Variants in RNF103 observed in about 807,000 individuals in gnomAD.
The protein encoded by RNF103 is E3 ubiquitin-protein ligase RNF103.
Under a neutral mutation model 66.2 loss-of-function variants are expected in RNF103, and 23 were observed. That is an observed-to-expected ratio of 0.35 (90% CI 0.25 to 0.49). The LOEUF (loss-of-function observed/expected upper bound fraction) is 0.49. Ranked by LOEUF, RNF103 falls within the 20% of genes least tolerant of loss-of-function variation. The pLI is 0.98. For synonymous variants in RNF103, 297 were observed against 289.9 expected (o/e 1.02, Z -0.25); for missense variants, 730 against 814.7 (o/e 0.90, Z 1.27).
chr2:86,612,872 T>C (rs541472355), intron 2 of RNF103: 2 of 152,260 alleles, frequency 1.3e-5, no homozygotes, highest in Admixed American at 6.5e-5. Flanking sequence ...ATTCATTCTT[T>C]AATGTAATGA....
chr2:86,615,378 G>A (rs1281323425), intron 2 of RNF103: 1 of 326,442 alleles, frequency 3.1e-6, no homozygotes, highest in Non-Finnish European at 4.4e-6. Flanking sequence ...TTCAACTGAA[G>A]GTTTAGCATA....
intron 3 of RNF103, among the ~76,000 whole-genome samples, chr2:86,610,780 G>A (rs996631931): frequency 6.6e-6 from 1 of 151,996 alleles, no homozygotes; most frequent in Non-Finnish European, 1.5e-5. Flanking sequence ...TTCTAGTATT[G>A]TAAAAATCAG....
intron 3 of RNF103, among the ~76,000 whole-genome samples, chr2:86,609,960 GA>G (rs1245556415): frequency 6.6e-6 from 1 of 152,130 alleles, no homozygotes; most frequent in African/African-American, 2.4e-5. Flanking sequence ...ACCCTGCATT[GA>G]AATTCTGAAC....
intron 2 of RNF103, 137 bp downstream of exon 2, chr2:86,620,193 C>G: frequency 3.6e-6 from 4 of 1,107,148 alleles, no homozygotes; most frequent in Non-Finnish European, 4.7e-6. Context: ...GATACTGGAG[C>G]CTCCCTAAGA....
intron 2 of RNF103, chr2:86,614,089 C>T (rs996184888): frequency 6.6e-6 from 1 of 152,126 alleles, no homozygotes; most frequent in African/African-American, 2.4e-5. Context: ...CCACTGCACC[C>T]AACCATGGTT....
rs748802871 is a variant in RNF103, at chr2:86,604,718, T to C, written c.1183A>G (p.Arg395Gly). 3.7e-6 allele frequency: 6 copies of C among 1,614,096 alleles called. No homozygotes were observed. The highest frequency in any genetic ancestry group is 4.2e-6 in the Non-Finnish European group (5 of 1,180,014). The change falls in exon 4 of 4, where the codon AGA becomes GGA. Residue 395 changes from arginine to glycine, a missense_variant. Physicochemically the swap from Arg to Gly is moderately radical, Grantham distance 125. Transcript: ENST00000237455. ...GCCAGTGTGGTTGTATTGGAATATC[T>C]CAACAATTTTAAGCTATATTCATAA... ...SFYEYSLKLL[R>G]YSNTTTLASW...
At chr2:86,605,840 T>C (rs1215173519) in intron 3 of RNF103, among the ~76,000 whole-genome samples, 1 of 152,206 alleles carries the variant, frequency 6.6e-6, no homozygotes, top group Non-Finnish European at 1.5e-5. Flanking sequence ...TTTGGGCTGG[T>C]GCAGATTTCA....
At position 86,623,828 on chromosome 2, in the gene RNF103, T is replaced by TTGATAC. The variant is rs1252471245; in HGVS notation, c.-943_-942insGTATCA. The TTGATAC allele has an allele frequency of 7.8e-7, 1 of 1,287,800 alleles. No homozygotes were observed. Among genetic ancestry groups the TTGATAC allele is most frequent in the Non-Finnish European group, 1.0e-6 (1 of 988,272 alleles). The allele number at this position is 1,287,800 out of a possible 1,614,324, so 79.8% of individuals were successfully genotyped here. A position where few individuals can be genotyped will look rare whatever the true frequency, so the allele number is the denominator to read the frequency against. ...ACCGCGGCCGTACCCTCCACAACCGTGTATCAGCGGCGGCCGCGGCCGGAG... is the reference window on the plus strand; with the variant it reads ...ACCGCGGCCGTACCCTCCACAACCGTTGATACGTATCAGCGGCGGCCGCGGCCGGAG... On this transcript the variant is annotated 5_prime_UTR_variant, in exon 1 of 4. Transcript: ENST00000237455.
chr2:86,616,800 A>G (rs1679041508), intron 2 of RNF103: 3 of 985,462 alleles, frequency 3.0e-6, no homozygotes, highest in Non-Finnish European at 2.4e-6. Context: ...AACTATGACA[A>G]AAGTCAAAAC....
At chr2:86,622,581 G>T in intron 1 of RNF103, 80 bp downstream of exon 1, 1 of 1,420,786 alleles carries the variant, frequency 7.0e-7, no homozygotes, top group Non-Finnish European at 9.9e-7. Context: ...CCTCACTCTG[G>T]GGGAACAGCC....
rs751577602 is a variant in RNF103, at chr2:86,604,442, C to T, written c.1459G>A (p.Asp487Asn). 10 of 1,614,108 alleles carry T rather than the reference C, an allele frequency of 6.2e-6. No individual in the cohort carries two copies. In the Admixed American group the frequency reaches 1.5e-4, roughly 24 times the overall value. The change falls in exon 4 of 4, where the codon GAC becomes AAC. Residue 487 changes from aspartate (D) to asparagine (N), a missense_variant. Physicochemically the swap from Asp to Asn is conservative, Grantham distance 23. This residue lies in a region of RNF103 where 355 missense variants were observed against 351.9 expected (regional missense o/e 1.01). Transcript: ENST00000237455. ...AAAGCTAAGCGCTCCAAGAATAAGT[C>T]AGGGTCTTCGTCCCAATCAGATTCT... ...PVESDWDEDPDLFLERLAFPD... is the reference protein window; with the variant it reads ...PVESDWDEDPNLFLERLAFPD...
At chr2:86,612,435 G>A (rs1678836051) in intron 2 of RNF103, 161 bp from the exon 3 acceptor site, 3 of 547,360 alleles carry the variant, frequency 5.5e-6, no homozygotes, top group East Asian at 6.3e-5. Context: ...TATAGAAGGA[G>A]CAACTATCCA....
chr2:86,605,631 A>G (rs559486588), intron 3 of RNF103, among the ~76,000 whole-genome samples: 44 of 152,102 alleles, frequency 2.9e-4, no homozygotes, highest in Admixed American at 8.5e-4. Context: ...AATAAAGTGT[A>G]TCTTGAAAAG....
chr2:86,609,450 A>G lies in RNF103; in HGVS notation c.482+2709T>C, dbSNP rs1040768282. 2.7e-5 allele frequency among the ~76,000 whole-genome samples: 4 copies of G among 147,146 alleles called. No homozygotes were observed. In the East Asian group the frequency reaches 7.9e-4, roughly 29 times the overall value. ...ACCCAGGCTTGGAGTGCAGTGGTGC[A>G]ATCTCGGCTCACTGCAACCTCCACC... On this transcript the variant is annotated intron_variant, in intron 3 of 3. Transcript: ENST00000237455.
chr2:86,623,142 AG>A lies in RNF103; in HGVS notation c.-257del. On this transcript the variant is annotated 5_prime_UTR_variant, in exon 1 of 4. The change abolishes the stop of an existing upstream ORF in the 5' untranslated region. Transcript: ENST00000237455. The stretch of plus-strand genomic sequence containing the variant: ...CCCAGTCAAGAGCCGACAAAAATAA[AG>A]GGGAAAAACTCAAAACCCCCATCCA... 1 of 1,168,110 alleles carries A rather than the reference AG, an allele frequency of 8.6e-7. No homozygotes were observed. The highest frequency in any genetic ancestry group is 1.1e-6 in the Non-Finnish European group (1 of 948,926). 72.4% of individuals were successfully genotyped at this position (1,168,110 alleles called of 1,614,324 possible).
chr2:86,617,310 T>C (rs1679057471), intron 2 of RNF103: 1 of 985,324 alleles, frequency 1.0e-6, no homozygotes, highest in African/African-American at 1.7e-5. Context: ...ATTAGTCAGC[T>C]TCTTCTAAAA....
intron 1 of RNF103, among the ~76,000 whole-genome samples, chr2:86,622,118 C>T (rs1000839051): frequency 6.6e-6 from 1 of 152,172 alleles, no homozygotes; most frequent in Non-Finnish European, 1.5e-5. Flanking sequence ...TTTCACCAAA[C>T]TTAAAGTCTG....
chr2:86,616,673 T>C (rs1679037281), intron 2 of RNF103: 2 of 985,288 alleles, frequency 2.0e-6, no homozygotes, highest in African/African-American at 3.5e-5. Context: ...TCAGTAAATA[T>C]TGACCCAAAG....
intron 2 of RNF103, 164 bp from the exon 3 acceptor site, chr2:86,612,438 A>G: frequency 1.8e-6 from 1 of 547,072 alleles, no homozygotes; most frequent in Non-Finnish European, 3.2e-6. Context: ...AGAAGGAGCA[A>G]CTATCCAATA....
Sources: gnomAD v4.1 joint callset for allele counts (sites outside exome capture counted in the v4.1 genomes callset) on GRCh38, gnomAD v4.1.1 for gene constraint, gnomAD v4.1.1 regional missense constraint, MANE v1.5 for transcripts, NCBI Gene and HGNC (gene_info 2026-07-23, HGNC 2026-07-21) for gene names.